The following LRP1B variants were observed in gnomAD, a reference collection of about 807,000 sequenced individuals.
The protein encoded by LRP1B is low-density lipoprotein receptor-related protein 1B.
Under a neutral mutation model 556.6 loss-of-function variants are expected in LRP1B, and 217 were observed. The observed-to-expected ratio is 0.39, with a 90% CI of 0.35 to 0.44. The LOEUF is 0.44. Ranked by LOEUF, LRP1B falls within the 20% of genes least tolerant of loss-of-function variation. LRP1B has a pLI of 1.00. For missense variants in LRP1B, 5,053 were observed against 5,620.8 expected, an observed-to-expected ratio of 0.90 and a Z score of 3.23; for synonymous variants, 2,047 against 1,865.8, an observed-to-expected ratio of 1.10 and a Z score of -2.50.
At chr2:141,297,831 T>C (rs1686239445) in intron 3 of LRP1B, among the ~76,000 whole-genome samples, 1 of 152,196 alleles carries the variant, frequency 6.6e-6, no homozygotes, top group Non-Finnish European at 1.5e-5. Flanking sequence ...CACAAACACT[T>C]ACCATTGTGT....
intron 66 of LRP1B, among the ~76,000 whole-genome samples, chr2:140,421,916 C>T (rs1462192602): frequency 2.0e-5 from 3 of 152,136 alleles, no homozygotes; most frequent in African/African-American, 7.2e-5. Flanking sequence ...TTCCATCCTG[C>T]AGACGAAGGG....
At chr2:140,946,245 T>G (rs1168540099) in intron 20 of LRP1B, among the ~76,000 whole-genome samples, 1 of 152,132 alleles carries the variant, frequency 6.6e-6, no homozygotes, top group Admixed American at 6.5e-5. Context: ...ACACAGACAC[T>G]GTTGGTAGAA....
At chr2:140,861,310 G>A (rs535558884) in intron 27 of LRP1B, among the ~76,000 whole-genome samples, 1 of 152,304 alleles carries the variant, frequency 6.6e-6, no homozygotes, top group African/African-American at 2.4e-5. Context: ...GGGAGGCAGA[G>A]GCTGGAGAAT....
chr2:141,326,250 G>A (rs11889774), intron 3 of LRP1B, among the ~76,000 whole-genome samples: 5,062 of 152,174 alleles, frequency 0.033, 306 homozygotes, highest in African/African-American at 0.12. Context: ...AAGATGCGAT[G>A]TAAGTGATTT....
intron 18 of LRP1B, among the ~76,000 whole-genome samples, chr2:140,979,623 C>G (rs1023012566): frequency 6.6e-6 from 1 of 152,094 alleles, no homozygotes; most frequent in Non-Finnish European, 1.5e-5. Context: ...GGTTCCTCCC[C>G]ACCAGGAAAT....
intron 56 of LRP1B, among the ~76,000 whole-genome samples, chr2:140,493,174 GGACTT>G (rs1688776753): frequency 6.6e-6 from 1 of 152,014 alleles, no homozygotes; most frequent in South Asian, 2.1e-4. Context: ...ACCTGCCTGA[GGACTT>G]GTCTTAAATA....
In LRP1B at chr2:141,266,408, T is replaced by C. The variant is rs557828331; in HGVS notation, c.344-11767A>G. 2.6e-5 allele frequency among the ~76,000 whole-genome samples: 4 copies of C among 152,162 alleles called. No individual in the cohort carries two copies. The East Asian group carries it at 7.7e-4, about 29-fold the overall frequency. On this transcript the variant is annotated intron_variant, in intron 3 of 90. Transcript: ENST00000389484. ...CCTTCTTCTTGTCTGGAAATTTCAA[T>C]TTACTTTTATGATTTTCATGCTGTT... is the stretch of plus-strand genomic sequence containing the variant.
chr2:141,793,145 G>C (rs1275273543), intron 2 of LRP1B, among the ~76,000 whole-genome samples: 1 of 151,870 alleles, frequency 6.6e-6, no homozygotes, highest in Non-Finnish European at 1.5e-5. Context: ...TCATAGTCAA[G>C]TATCTTTTTG....
intron 29 of LRP1B, among the ~76,000 whole-genome samples, chr2:140,848,682 C>T (rs1406100043): frequency 1.3e-5 from 2 of 152,128 alleles, no homozygotes; most frequent in Non-Finnish European, 2.9e-5. Flanking sequence ...CCTCCAAATC[C>T]TTCTACCAAA....
rs187736553 is a variant in LRP1B at position 141,879,746 on chromosome 2, T to A, written c.83-69345A>T. Among the ~76,000 whole-genome samples the A allele has an allele frequency of 8.5e-5, 13 of 152,094 alleles. No homozygotes were observed. The East Asian group carries it at 2.1e-3, about 25-fold the overall frequency. ...GGGATAAAACAGACAAACAAAAAAC[T>A]TGTCTTGCCAATCATGTTGTTTAGT... On this transcript the variant is annotated intron_variant, in intron 1 of 90. Transcript: ENST00000389484.
intron 3 of LRP1B, among the ~76,000 whole-genome samples, chr2:141,340,602 A>C (rs1042661018): frequency 2.0e-5 from 3 of 152,194 alleles, no homozygotes; most frequent in African/African-American, 7.2e-5. Flanking sequence ...GTAGTACTTC[A>C]CTAATTTAAG....
At chr2:140,526,021 A>C (rs2104968435) in intron 48 of LRP1B, 28 bp from the exon 49 acceptor site, 1 of 1,608,584 alleles carries the variant, frequency 6.2e-7, no homozygotes, top group Non-Finnish European at 8.5e-7. Context: ...AAAAATGAAA[A>C]AGTACCTCAT....
At chr2:142,117,808 T>C (rs1707327086) in intron 1 of LRP1B, among the ~76,000 whole-genome samples, 1 of 152,174 alleles carries the variant, frequency 6.6e-6, no homozygotes, top group Non-Finnish European at 1.5e-5. Context: ...TCAGCTGCCC[T>C]TTTGGACAGT....
chr2:140,475,676 T>C (rs1330587657), intron 59 of LRP1B, among the ~76,000 whole-genome samples: 1 of 151,698 alleles, frequency 6.6e-6, no homozygotes, highest in East Asian at 1.9e-4. Context: ...GTTGAAGGAA[T>C]ACAATTATCA....
Position 140,595,122 on chromosome 2 carries a change from A to C in LRP1B, c.7194+3509T>G, listed in dbSNP as rs1164231875. Among the ~76,000 whole-genome samples, 5 of 87,214 alleles carry C rather than the reference A, an allele frequency of 5.7e-5. 1 individual carries two copies. The highest frequency in any genetic ancestry group is 2.5e-4 in the African/African-American group (5 of 20,002). 57.2% of individuals were successfully genotyped at this position (87,214 alleles called of 152,430 possible). On this transcript the variant is annotated intron_variant, in intron 43 of 90. Coordinates refer to ENST00000389484, the MANE Select transcript of LRP1B (RefSeq NM_018557.3). ...TATATATATATATATATATATATAT[A>C]TATATATATATATATTAGTATGGTT...
At chr2:140,343,991 A>G (rs905484279) in intron 77 of LRP1B, among the ~76,000 whole-genome samples, 8 of 151,672 alleles carry the variant, frequency 5.3e-5, no homozygotes, top group African/African-American at 1.9e-4. Flanking sequence ...GTTGGAGGTC[A>G]TAGACACGTT....
chr2:141,716,740 T>C (rs150557205), intron 2 of LRP1B, among the ~76,000 whole-genome samples: 10 of 152,324 alleles, frequency 6.6e-5, no homozygotes. Context: ...TGCTCAGTTA[T>C]GTTCAGTGAC....
At chr2:140,461,230 C>T (rs1687305451) in intron 60 of LRP1B, among the ~76,000 whole-genome samples, 1 of 152,002 alleles carries the variant, frequency 6.6e-6, no homozygotes, top group South Asian at 2.1e-4. Context: ...AAGTATATTT[C>T]TGGGTAATAT....
rs1559098850 is a variant in LRP1B at position 141,486,128 on chromosome 2, TAGGTGACCTA to T, written c.206-5605_206-5596del. On this transcript the variant is annotated intron_variant, in intron 2 of 90. Transcript: ENST00000389484. ...ATTTCCAGTCCTTTAAATCTAAATG[TAGGTGACCTA>T]AGCAAGATAGCAAAATTGAAAATGT... Among the ~76,000 whole-genome samples the T allele has an allele frequency of 3.3e-5, 5 of 152,262 alleles. No individual in the cohort carries two copies. The South Asian group carries it at 1.0e-3, about 32-fold the overall frequency.
Sources: gnomAD v4.1 joint callset for allele counts (sites outside exome capture counted in the v4.1 genomes callset) on GRCh38, gnomAD v4.1.1 for gene constraint, MANE v1.5 for transcripts, NCBI Gene and HGNC (gene_info 2026-07-23, HGNC 2026-07-21) for gene names.